The following KLRG1 variants were observed in gnomAD, a reference collection of about 807,000 sequenced individuals.
KLRG1 encodes killer cell lectin-like receptor subfamily G member 1.
In KLRG1, 16 loss-of-function variants were observed where a neutral mutation model predicts 21.8. The ratio of observed to expected loss-of-function variants is 0.73; its 90% CI spans 0.50 to 1.11. The LOEUF (loss-of-function observed/expected upper bound fraction) is 1.11, where lower values mean the gene tolerates loss of function less well. Among genes scored for constraint, KLRG1 ranks in the 50% most tolerant of loss-of-function variants. The pLI, the probability that KLRG1 is intolerant of heterozygous loss-of-function variation, is 0.00. For synonymous variants in KLRG1, 69 were observed against 75.9 expected, an observed-to-expected ratio of 0.91 and a Z score of 0.47; for missense variants, 173 against 218.3, an observed-to-expected ratio of 0.79 and a Z score of 1.31.
chr12:9,196,470 A>C, the KLRG1 span: 2 of 1,579,558 alleles, frequency 1.3e-6, no homozygotes, highest in East Asian at 2.2e-5. Context: ...GTACTTTTAG[A>C]AGTTACTTTA....
At chr12:9,201,655 T>C in the KLRG1 span, among the ~76,000 whole-genome samples, 1 of 152,136 alleles carries the variant, frequency 6.6e-6, no homozygotes, top group African/African-American at 2.4e-5. Flanking sequence ...ATAATATGAC[T>C]ATACTGCTTA....
chr12:9,167,270 A>G, the KLRG1 span: 4 of 152,346 alleles, frequency 2.6e-5, no homozygotes, highest in African/African-American at 4.8e-5. Context: ...TTAACAAACC[A>G]TGGCATTATG....
chr12:9,068,982 G>T, the KLRG1 span: 1 of 550,652 alleles, frequency 1.8e-6, no homozygotes, highest in Non-Finnish European at 3.1e-6. Flanking sequence ...AAATTGTGCA[G>T]AAATCTCTCA....
chr12:8,998,123 G>A (rs974120876), intron 3 of KLRG1, among the ~76,000 whole-genome samples: 32 of 152,182 alleles, frequency 2.1e-4, no homozygotes, highest in East Asian at 1.7e-3. Flanking sequence ...GAGGTCAGGC[G>A]TTCGAGACCA....
chr12:9,133,483 ATAAAT>A, the KLRG1 span, among the ~76,000 whole-genome samples: 2 of 152,254 alleles, frequency 1.3e-5, no homozygotes, highest in African/African-American at 4.8e-5. Context: ...ATATAAACAA[ATAAAT>A]TAAATAAGGT....
chr12:9,200,461 A>C, the KLRG1 span: 29 of 1,561,978 alleles, frequency 1.9e-5, no homozygotes, highest in East Asian at 6.3e-4. Flanking sequence ...GTTAATAGAG[A>C]TAATAGGAAT....
At chr12:9,159,993 C>A in the KLRG1 span, 3 of 1,613,906 alleles carry the variant, frequency 1.9e-6, no homozygotes, top group Non-Finnish European at 2.5e-6. Context: ...TAGGAGCCAT[C>A]TTGGTGTTTG....
At chr12:9,132,365 A>G in the KLRG1 span, among the ~76,000 whole-genome samples, 1 of 152,244 alleles carries the variant, frequency 6.6e-6, no homozygotes, top group Admixed American at 6.5e-5. Context: ...GTTGTGAAAC[A>G]ACATACAGTG....
chr12:9,034,034 C>T, the KLRG1 span, among the ~76,000 whole-genome samples: 1 of 152,078 alleles, frequency 6.6e-6, no homozygotes, highest in South Asian at 2.1e-4. Context: ...TGTGTAGGAT[C>T]TCCTAAAAAT....
chr12:9,128,050 C>A, the KLRG1 span: 1 of 231,754 alleles, frequency 4.3e-6, no homozygotes, highest in Non-Finnish European at 8.9e-6. Context: ...GACATCAAGG[C>A]CTGCGCAGGG....
chr12:9,070,545 C>T, the KLRG1 span: 130 of 1,613,724 alleles, frequency 8.1e-5, 1 homozygote, highest in East Asian at 6.7e-5. Context: ...CATCAACGAT[C>T]GCCATGTTGG....
chr12:8,954,924 CT>C (rs61292510), intron 1 of KLRG1, among the ~76,000 whole-genome samples: 3 of 147,896 alleles, frequency 2.0e-5, no homozygotes, highest in East Asian at 2.0e-4. Flanking sequence ...TCTTTTTTTT[CT>C]TTTTTTTTTG....
chr12:9,084,000 G>A, the KLRG1 span, among the ~76,000 whole-genome samples: 63 of 152,174 alleles, frequency 4.1e-4, no homozygotes, highest in East Asian at 6.7e-3. Flanking sequence ...GCAGTAACCC[G>A]GCAGGCTGAG....
chr12:9,129,493 A>G, the KLRG1 span, among the ~76,000 whole-genome samples: 1 of 152,138 alleles, frequency 6.6e-6, no homozygotes, highest in African/African-American at 2.4e-5. Context: ...CACCAAATTC[A>G]TAAACTGAAA....
chr12:9,064,335 C>T, the KLRG1 span: 1 of 153,708 alleles, frequency 6.5e-6, no homozygotes. This position sits in a 1 kb window ranked among gnomAD's most constrained non-coding sequence, Gnocchi z 4.0. Flanking sequence ...ACGCCAGCTG[C>T]AGCAGGGAGG....
the KLRG1 span, among the ~76,000 whole-genome samples, chr12:9,018,909 C>A: frequency 2.0e-5 from 3 of 152,100 alleles, no homozygotes; most frequent in Non-Finnish European, 4.4e-5. Context: ...CACAGGCAAC[C>A]AAAGCAAAAA....
At chr12:9,178,671 C>T in the KLRG1 span, among the ~76,000 whole-genome samples, 3 of 152,090 alleles carry the variant, frequency 2.0e-5, no homozygotes, top group African/African-American at 4.8e-5. Context: ...CTACAGCACG[C>T]GATAAGTGCT....
rs539358750 is a variant in KLRG1 at position 8,954,906 on chromosome 12, T to C, written c.-156+4670T>C. 6.6e-5 allele frequency among the ~76,000 whole-genome samples: 10 copies of C among 152,220 alleles called. No individual in the cohort carries two copies. In the East Asian group the frequency reaches 9.6e-4, roughly 15 times the overall value. On this transcript the variant is annotated intron_variant, in intron 1 of 4. Transcript: ENST00000539240. Reference sequence around the variant, plus strand: ...AAGGCAAAATATATAAGTCATGAAATGTACAACTCTTTTTTTTCTTTTTTT... The same window carrying C: ...AAGGCAAAATATATAAGTCATGAAACGTACAACTCTTTTTTTTCTTTTTTT...
the KLRG1 span, among the ~76,000 whole-genome samples, chr12:9,105,263 C>A: frequency 1.3e-5 from 2 of 152,124 alleles, no homozygotes; most frequent in African/African-American, 2.4e-5. Flanking sequence ...TGTACAAAGA[C>A]AAGAATAGGC....
Sources: gnomAD v4.1 joint callset for allele counts (sites outside exome capture counted in the v4.1 genomes callset) on GRCh38, gnomAD v4.1.1 for gene constraint, Gnocchi (gnomAD v3.1) non-coding constraint, MANE v1.5 for transcripts, NCBI Gene and HGNC (gene_info 2026-07-23, HGNC 2026-07-21) for gene names.